CATSPERT: variants seen among roughly 807,000 people sequenced by gnomAD.
CATSPERT encodes the protein catsper channel auxiliary subunit tau, also known as cation channel sperm-associated targeting subunit tau.
chr2:201,586,957 T>C, the CATSPERT span, among the ~76,000 whole-genome samples: 1 of 152,042 alleles, frequency 6.6e-6, no homozygotes, highest in Admixed American at 6.6e-5. Flanking sequence ...TCCTCCCTCC[T>C]TCCCCCCTTC....
chr2:201,599,254 T>C, the CATSPERT span, among the ~76,000 whole-genome samples: 132,657 of 152,116 alleles, frequency 0.87, 58,963 homozygotes, highest in South Asian at 0.98. Context: ...TCCACCCCAC[T>C]CACCCCCTAA....
chr2:201,494,041 A>G, the CATSPERT span: 3 of 1,535,544 alleles, frequency 2.0e-6, no homozygotes, highest in Non-Finnish European at 2.6e-6. Context: ...AATATTTTCA[A>G]TTATTTGACT....
At chr2:201,550,198 A>G in the CATSPERT span, 10 of 152,350 alleles carry the variant, frequency 6.6e-5, 2 homozygotes, top group African/African-American at 2.4e-4. Flanking sequence ...GACCAGGCCT[A>G]TACTATGGAC....
the CATSPERT span, among the ~76,000 whole-genome samples, chr2:201,505,713 T>G: frequency 3.9e-5 from 6 of 152,200 alleles, no homozygotes; most frequent in Non-Finnish European, 8.8e-5. Flanking sequence ...TGCAATGTAG[T>G]ACTCTGTACT....
chr2:201,582,391 G>A, the CATSPERT span, among the ~76,000 whole-genome samples: 7 of 151,808 alleles, frequency 4.6e-5, no homozygotes, highest in East Asian at 1.4e-3. Flanking sequence ...GTTTTTGTAT[G>A]TCATTAGCTT....
the CATSPERT span, among the ~76,000 whole-genome samples, chr2:201,541,550 TA>T: frequency 1.2e-5 from 1 of 82,744 alleles, no homozygotes; most frequent in Non-Finnish European, 2.5e-5. Flanking sequence ...TATATATATA[TA>T]TATATATATA....
the CATSPERT span, among the ~76,000 whole-genome samples, chr2:201,512,216 T>A: frequency 2.3e-3 from 349 of 152,316 alleles, 1 homozygote; most frequent in African/African-American, 7.9e-3. Flanking sequence ...GATCTTTCTT[T>A]TTAAAAGTTA....
the CATSPERT span, chr2:201,545,668 T>G: frequency 1.2e-6 from 1 of 857,714 alleles, no homozygotes; most frequent in Admixed American, 3.5e-5. Flanking sequence ...AAAAAATATA[T>G]ATGGGAAAAT....
At chr2:201,530,239 T>C in the CATSPERT span, among the ~76,000 whole-genome samples, 1 of 152,282 alleles carries the variant, frequency 6.6e-6, no homozygotes, top group Non-Finnish European at 1.5e-5. Context: ...GGTCCAGCAA[T>C]CCTACTTCTG....
chr2:201,514,605 C>G, the CATSPERT span, among the ~76,000 whole-genome samples: 2 of 152,152 alleles, frequency 1.3e-5, no homozygotes, highest in African/African-American at 4.8e-5. Context: ...TGGAAACATT[C>G]TAGTTCTTGA....
the CATSPERT span, chr2:201,494,300 CACTTAAAATTG>C: frequency 6.5e-7 from 1 of 1,537,064 alleles, no homozygotes. Context: ...TGCAGATTTT[CACTTAAAATTG>C]ACTTGAGTAT....
chr2:201,616,014 T>C, the CATSPERT span, among the ~76,000 whole-genome samples: 8 of 152,308 alleles, frequency 5.3e-5, no homozygotes, highest in African/African-American at 1.7e-4. Flanking sequence ...CAGGAAGAAG[T>C]TGAATCCCTG....
the CATSPERT span, among the ~76,000 whole-genome samples, chr2:201,508,375 G>A: frequency 1.3e-5 from 2 of 152,226 alleles, no homozygotes; most frequent in Non-Finnish European, 1.5e-5. Context: ...TTATATAAAT[G>A]AAGATGTCAA....
chr2:201,500,573 G>C, the CATSPERT span, among the ~76,000 whole-genome samples: 1 of 152,094 alleles, frequency 6.6e-6, no homozygotes, highest in African/African-American at 2.4e-5. Flanking sequence ...TAGGTGATAA[G>C]TATGTAACTG....
the CATSPERT span, among the ~76,000 whole-genome samples, chr2:201,552,660 T>C: frequency 6.6e-6 from 1 of 152,352 alleles, no homozygotes; most frequent in South Asian, 2.1e-4. Context: ...AAAAGTTATA[T>C]ATGGATTTTC....
chr2:201,532,402 G>C, the CATSPERT span, among the ~76,000 whole-genome samples: 21 of 152,330 alleles, frequency 1.4e-4, no homozygotes, highest in East Asian at 3.9e-3. Context: ...TGGAGAGTTA[G>C]TGGAGGTGAA....
the CATSPERT span, chr2:201,491,276 T>C: frequency 1.3e-6 from 2 of 1,537,926 alleles, no homozygotes; most frequent in Non-Finnish European, 1.7e-6. Flanking sequence ...ACTATCTTGT[T>C]AAATGACTTT....
At chr2:201,530,372 T>G in the CATSPERT span, among the ~76,000 whole-genome samples, 4 of 152,168 alleles carry the variant, frequency 2.6e-5, no homozygotes, top group Non-Finnish European at 5.9e-5. Flanking sequence ...AACAGATCAA[T>G]GGATAAAGAA....
chr2:201,523,144 G>A, the CATSPERT span, among the ~76,000 whole-genome samples: 2 of 152,172 alleles, frequency 1.3e-5, no homozygotes, highest in Admixed American at 6.5e-5. Flanking sequence ...GTGCATGCAC[G>A]TGGACCTTGC....
Sources: allele counts gnomAD v4.1 joint callset (sites outside exome capture counted in the v4.1 genomes callset), GRCh38; gene constraint gnomAD v4.1.1; transcripts MANE v1.5; gene names NCBI Gene and HGNC (gene_info 2026-07-23, HGNC 2026-07-21).